The following SPAG17 variants were observed in gnomAD, a reference collection of about 807,000 sequenced individuals.
SPAG17 encodes the protein sperm associated antigen 17.
In SPAG17, 169 loss-of-function variants were observed where a neutral mutation model predicts 273.6. That is an observed-to-expected ratio of 0.62 (90% confidence interval 0.55 to 0.70). The LOEUF (loss-of-function observed/expected upper bound fraction) is 0.70. Ranked by LOEUF, SPAG17 falls within the 30% of genes least tolerant of loss-of-function variation. The probability of loss-of-function intolerance (pLI) is 0.00; values close to 1 mark genes in which losing one functional copy is unlikely to be tolerated. For missense variants in SPAG17, 2,557 were observed against 2,627.8 expected (o/e 0.97, Z 0.59); for synonymous variants, 825 against 873.2 (o/e 0.94, Z 0.97).
At chr1:118,034,187 C>A (rs1184340340) in intron 24 of SPAG17, among the ~76,000 whole-genome samples, 1 of 152,086 alleles carries the variant, frequency 6.6e-6, no homozygotes, top group Non-Finnish European at 1.5e-5. Context: ...AAATGGATAG[C>A]CAATGATGGA....
At chr1:118,047,034 TTA>T (rs1219881802) in intron 20 of SPAG17, among the ~76,000 whole-genome samples, 1 of 152,220 alleles carries the variant, frequency 6.6e-6, no homozygotes, top group African/African-American at 2.4e-5. Context: ...AAAATCTAGT[TTA>T]TAGTCCTTGT....
intron 44 of SPAG17, 54 bp downstream of exon 44, chr1:117,973,371 A>G: frequency 6.3e-7 from 1 of 1,574,960 alleles, no homozygotes; most frequent in Non-Finnish European, 8.6e-7. Context: ...AAAAATAAAG[A>G]ATTCCATCAA....
At chr1:118,137,174 G>T (rs1218900311) in intron 3 of SPAG17, among the ~76,000 whole-genome samples, 1 of 152,156 alleles carries the variant, frequency 6.6e-6, no homozygotes, top group Non-Finnish European at 1.5e-5. Flanking sequence ...GGTGGCCTGT[G>T]ACTATGTGAC....
chr1:118,148,409 G>A (rs1161345334), intron 3 of SPAG17, among the ~76,000 whole-genome samples: 2 of 152,334 alleles, frequency 1.3e-5, no homozygotes, highest in East Asian at 3.9e-4. Flanking sequence ...GCTGCAAGGT[G>A]CTAGCTCAGG....
intron 5 of SPAG17, among the ~76,000 whole-genome samples, chr1:118,100,059 T>A (rs1471787440): frequency 6.6e-6 from 1 of 152,230 alleles, no homozygotes; most frequent in Non-Finnish European, 1.5e-5. Flanking sequence ...CAAACCTATA[T>A]GGGGCTTGTG....
intron 3 of SPAG17, among the ~76,000 whole-genome samples, chr1:118,130,425 G>A (rs1459661711): frequency 1.3e-5 from 2 of 152,160 alleles, no homozygotes; most frequent in Non-Finnish European, 2.9e-5. Flanking sequence ...ATTATGCAAA[G>A]GTCATTTACA....
At position 118,151,358 on chromosome 1, in the gene SPAG17, C is replaced by G. The variant is rs745669849; in HGVS notation, c.99G>C (p.Gln33His). ...TCCCAACCACAAAAGCAATGGAGGCCTGCCAATCGTTCTATTAAAAATCAG... is the reference window on the plus strand; with the variant it reads ...TCCCAACCACAAAAGCAATGGAGGCGTGCCAATCGTTCTATTAAAAATCAG... ...IAAQFNQNDW[Q>H]ASIAFVVGNQ... The change falls in exon 2 of 49, where the codon CAG (glutamine) becomes CAC (histidine). Residue 33 changes from glutamine to histidine, a missense_variant. Coordinates refer to ENST00000336338, the MANE Select transcript of SPAG17 (RefSeq NM_206996.4). 3 of 1,611,888 alleles carry G rather than the reference C, an allele frequency of 1.9e-6. No homozygotes were observed. The South Asian group carries it at 3.3e-5, about 18-fold the overall frequency.
At chr1:118,062,134 G>A (rs1392478912) in intron 18 of SPAG17, among the ~76,000 whole-genome samples, 6 of 151,986 alleles carry the variant, frequency 3.9e-5, no homozygotes, top group Admixed American at 2.0e-4. Flanking sequence ...TTGGGAGGCC[G>A]AGGCGGGCGG....
intron 48 of SPAG17, among the ~76,000 whole-genome samples, chr1:117,958,421 T>C (rs1312586136): frequency 2.0e-5 from 3 of 152,234 alleles, no homozygotes; most frequent in South Asian, 4.1e-4. Context: ...TGAATACTTA[T>C]AGCGTATCAG....
chr1:118,056,004 A>G, intron 18 of SPAG17, 90 bp from the exon 19 acceptor site: 1 of 1,051,122 alleles, frequency 9.5e-7, no homozygotes, highest in Non-Finnish European at 1.4e-6. Context: ...CTTTTTGCTC[A>G]TGTCAAAAAT....
intron 1 of SPAG17, among the ~76,000 whole-genome samples, chr1:118,175,574 C>CAAAA (rs79880272): frequency 2.3e-5 from 1 of 43,852 alleles, no homozygotes; most frequent in Non-Finnish European, 4.9e-5. Context: ...TTTCAAAGTA[C>CAAAA]AAAAAAAAAA....
At chr1:118,106,624 A>T (rs1252316072) in intron 4 of SPAG17, among the ~76,000 whole-genome samples, 6 of 152,212 alleles carry the variant, frequency 3.9e-5, no homozygotes, top group African/African-American at 1.4e-4. Context: ...GCCATCAAAA[A>T]CATACCAGAA....
intron 3 of SPAG17, among the ~76,000 whole-genome samples, chr1:118,147,171 G>C (rs889252159): frequency 4.6e-5 from 7 of 152,130 alleles, no homozygotes; most frequent in African/African-American, 1.7e-4. Flanking sequence ...CCTGAGGTTA[G>C]AGTCTTTGCT....
intron 20 of SPAG17, among the ~76,000 whole-genome samples, chr1:118,052,812 C>G (rs1651212092): frequency 6.6e-6 from 1 of 151,908 alleles, no homozygotes; most frequent in Non-Finnish European, 1.5e-5. Context: ...AAATAAAATG[C>G]TATCAAATCA....
chr1:118,036,206 A>AGAAAGAAG (rs763213019), intron 24 of SPAG17, among the ~76,000 whole-genome samples: 15 of 152,086 alleles, frequency 9.9e-5, no homozygotes, highest in Admixed American at 2.6e-4. Context: ...AAAGAAAGAA[A>AGAAAGAAG]GAAAGAAGGA....
At position 118,150,543 on chromosome 1, in the gene SPAG17, C is replaced by T; in HGVS notation, c.315G>A (p.Glu105=). Residue 105 remains glutamate (E), a splice_region_variant and synonymous_variant, in exon 3 of 49, where the codon GAG becomes GAA. Transcript: ENST00000336338. ...PVGGNAPLYY[E]VLTAAKAIMD... is the part of the protein sequence containing the mutation. ...ATCTTCTATAAACACTTTCACTTAC[C>T]TCATAATATAAAGGAGCATTACCAC... 6.6e-7 allele frequency: 1 copy of T among 1,518,798 alleles called. No individual in the cohort carries two copies. The highest frequency in any genetic ancestry group is 9.0e-7 in the Non-Finnish European group (1 of 1,111,088). 94.1% of individuals were successfully genotyped at this position (1,518,798 alleles called of 1,614,324 possible). A position where few individuals can be genotyped will look rare whatever the true frequency, so the allele number is the denominator to read the frequency against.
At chr1:117,978,796 C>T (rs773817679) in intron 43 of SPAG17, among the ~76,000 whole-genome samples, 48 of 151,862 alleles carry the variant, frequency 3.2e-4, no homozygotes, top group Non-Finnish European at 4.1e-4. Context: ...CTTGCAGGGG[C>T]ATTTGATACA....
At chr1:118,007,953 T>C (rs1571222761) in intron 31 of SPAG17, 91 bp downstream of exon 31, 2 of 1,391,358 alleles carry the variant, frequency 1.4e-6, no homozygotes, top group East Asian at 2.3e-5. Flanking sequence ...GCAGTGTACA[T>C]TGCAGGCATT....
At chr1:117,954,657 G>T (rs755543208) in intron 48 of SPAG17, 1 of 1,602,426 alleles carries the variant, frequency 6.2e-7, no homozygotes, top group Non-Finnish European at 8.5e-7. Flanking sequence ...GTTTTCCTTT[G>T]TTTATTAAAA....
Sources: allele counts gnomAD v4.1 joint callset (sites outside exome capture counted in the v4.1 genomes callset), GRCh38; gene constraint gnomAD v4.1.1; transcripts MANE v1.5; gene names NCBI Gene and HGNC (gene_info 2026-07-23, HGNC 2026-07-21).